DPRX: variants seen among roughly 807,000 people sequenced by gnomAD.
The protein encoded by DPRX is divergent-paired related homeobox.
DPRX carries 11 observed loss-of-function variants against 8.4 expected under a neutral mutation model. The ratio of observed to expected loss-of-function variants is 1.31; its 90% CI spans 0.82 to 2.17. The LOEUF is 2.17. Ranked by LOEUF, DPRX falls within the 30% of genes most tolerant of loss-of-function variation. The pLI, the probability that DPRX is intolerant of heterozygous loss-of-function variation, is 0.00. For missense variants in DPRX, 211 were observed against 236.7 expected, an observed-to-expected ratio of 0.89 and a Z score of 0.71; for synonymous variants, 72 against 87.0, an observed-to-expected ratio of 0.83 and a Z score of 0.96.
chr19:53,636,656 A>G (rs776875397), exon 3 of DPRX: 14 of 1,614,068 alleles, frequency 8.7e-6, no homozygotes, highest in Non-Finnish European at 1.2e-5. Context: ...TATTCATCAA[A>G]AACAAGAAAC....
the DPRX span, among the ~76,000 whole-genome samples, chr19:53,623,498 C>T: frequency 2.4e-4 from 37 of 151,866 alleles, no homozygotes; most frequent in South Asian, 1.9e-3. Context: ...ATTAGCCTGG[C>T]ATGGTGGCAC....
At chr19:53,620,595 C>A in the DPRX span, among the ~76,000 whole-genome samples, 2 of 151,076 alleles carry the variant, frequency 1.3e-5, no homozygotes, top group African/African-American at 4.9e-5. Flanking sequence ...GAACTCCTGG[C>A]CTCAAGTGAT....
the DPRX span, chr19:53,617,318 G>T: frequency 3.3e-6 from 2 of 611,960 alleles, no homozygotes; most frequent in Non-Finnish European, 6.0e-6. Context: ...CAGCACTTTG[G>T]GAGGCCGAGG....
At chr19:53,630,212 C>CA (rs35045422), upstream of DPRX, among the ~76,000 whole-genome samples, 18,273 of 111,168 alleles carry the variant, frequency 0.16, 1,460 homozygotes, top group Middle Eastern at 0.29. Context: ...GACTCCATCT[C>CA]AAAAAAAAAA....
chr19:53,615,454 T>C, the DPRX span, among the ~76,000 whole-genome samples: 1 of 150,886 alleles, frequency 6.6e-6, no homozygotes. Flanking sequence ...CTAATTTTTG[T>C]ATTTTTAGCA....
At chr19:53,617,973 A>G in the DPRX span, among the ~76,000 whole-genome samples, 30 of 151,796 alleles carry the variant, frequency 2.0e-4, no homozygotes, top group African/African-American at 5.6e-4. Context: ...CCCCATCTCT[A>G]CTAAAAATAC....
rs10409173 is a variant in DPRX at position 53,636,914 on chromosome 19, G to T, written c.502G>T (p.Glu168Ter). The change falls in exon 3 of 3, where the codon GAA becomes TAA. Residue 168 changes from glutamate to a stop codon, truncating the protein, a stop_gained. Transcript: ENST00000376650. LOFTEE classifies it low-confidence loss of function (END_TRUNC). ...TATATACTGCCTCTACCCCATTTTG[G>T]AATCCCAAGTTTGCGCTCCAAGCTT... The T allele has an allele frequency of 2.7e-3, 4,304 of 1,613,746 alleles. 96 individuals carry two copies. In the African/African-American group the frequency reaches 0.05, roughly 19 times the overall value.
chr19:53,633,112 A>G lies in DPRX; in HGVS notation c.28+978A>G, dbSNP rs1336980939. Among the ~76,000 whole-genome samples the G allele has an allele frequency of 2.0e-5, 3 of 148,824 alleles. No individual in the cohort carries two copies. In the Admixed American group the frequency reaches 2.0e-4, roughly 10 times the overall value. ...GGAGTTCAAGACCAGCCTGGGCAAC[A>G]AAACAAGACGTTGTCTCTACAAAAA... On this transcript the variant is annotated intron_variant, in intron 1 of 2. Transcript: ENST00000376650.
At chr19:53,627,521 C>T (rs1338735192), upstream of DPRX, among the ~76,000 whole-genome samples, 29 of 149,570 alleles carry the variant, frequency 1.9e-4, no homozygotes. Flanking sequence ...ACTGCAACCT[C>T]TGCCTCCCAG....
intron 2 of DPRX, 98 bp from the exon 3 acceptor site, chr19:53,636,498 C>T (rs73590951): frequency 3.3e-5 from 33 of 987,410 alleles, no homozygotes; most frequent in Middle Eastern, 3.6e-4. Context: ...AAATAAAATA[C>T]GTTTAACAAA....
chr19:53,601,564 A>C, the DPRX span, among the ~76,000 whole-genome samples: 8 of 147,508 alleles, frequency 5.4e-5, no homozygotes, highest in African/African-American at 1.0e-4. Context: ...TGAATGCAAC[A>C]TCCGCCTCCT....
the DPRX span, among the ~76,000 whole-genome samples, chr19:53,620,168 C>G: frequency 9.2e-5 from 14 of 152,034 alleles, no homozygotes; most frequent in African/African-American, 3.4e-4. Context: ...CTCCCGGGTT[C>G]AAGCCATTCT....
chr19:53,609,631 C>T, the DPRX span, among the ~76,000 whole-genome samples: 46 of 151,984 alleles, frequency 3.0e-4, no homozygotes, highest in African/African-American at 1.1e-3. Flanking sequence ...TTTGAAAGGC[C>T]GAAGTGGGCA....
the DPRX span, among the ~76,000 whole-genome samples, chr19:53,608,974 AGGAAAG>A: frequency 3.0e-4 from 27 of 90,060 alleles, no homozygotes; most frequent in East Asian, 6.8e-4. Flanking sequence ...AAAAAAAAAA[AGGAAAG>A]AAAAGAAAGA....
At chr19:53,616,836 G>A in the DPRX span, 85 of 1,600,430 alleles carry the variant, frequency 5.3e-5, no homozygotes, top group Middle Eastern at 1.7e-4. Flanking sequence ...CGTTCTTAGC[G>A]CTTGAATGTC....
chr19:53,612,518 C>T, the DPRX span, among the ~76,000 whole-genome samples: 1 of 152,018 alleles, frequency 6.6e-6, no homozygotes, highest in African/African-American at 2.4e-5. Context: ...ACCAGCCTGG[C>T]CAACATGGTG....
chr19:53,618,124 C>T, the DPRX span, among the ~76,000 whole-genome samples: 1 of 145,234 alleles, frequency 6.9e-6, no homozygotes, highest in Non-Finnish European at 1.5e-5. Context: ...GCCTGGGCGA[C>T]AGAGCGAGAC....
At chr19:53,610,387 G>A in the DPRX span, among the ~76,000 whole-genome samples, 10 of 152,166 alleles carry the variant, frequency 6.6e-5, no homozygotes, top group East Asian at 7.7e-4. Flanking sequence ...CCTAGATGCC[G>A]TGACATGATG....
chr19:53,619,718 G>A, the DPRX span, among the ~76,000 whole-genome samples: 5 of 151,178 alleles, frequency 3.3e-5, no homozygotes, highest in South Asian at 6.3e-4. Context: ...AGCTGGGCCT[G>A]GTGGCAGACG....
Sources: allele counts gnomAD v4.1 joint callset (sites outside exome capture counted in the v4.1 genomes callset), GRCh38; gene constraint gnomAD v4.1.1; transcripts MANE v1.5; gene names NCBI Gene and HGNC (gene_info 2026-07-23, HGNC 2026-07-21).